Variants in PRKG1 observed in about 807,000 individuals in gnomAD.
PRKG1 encodes the protein cGMP-dependent protein kinase 1.
In PRKG1, 35 loss-of-function variants were observed where a neutral mutation model predicts 88.1. That is an observed-to-expected ratio of 0.40 (90% CI 0.30 to 0.53). The LOEUF (loss-of-function observed/expected upper bound fraction) is 0.53, where lower values mean the gene tolerates loss of function less well. Among genes scored for constraint, PRKG1 ranks in the 20% least tolerant of loss-of-function variants. The pLI is 0.59. For missense variants in PRKG1, 540 were observed against 839.8 expected (o/e 0.64, Z 4.41); for synonymous variants, 303 against 292.5 (o/e 1.04, Z -0.37).
chr10:51,391,063 G>A (rs546352214), intron 2 of PRKG1, among the ~76,000 whole-genome samples: 3 of 152,218 alleles, frequency 2.0e-5, no homozygotes, highest in African/African-American at 4.8e-5. Context: ...AGCACTGAGA[G>A]GGGGAGAGGC....
intron 1 of PRKG1, among the ~76,000 whole-genome samples, chr10:51,097,800 G>A (rs776804591): frequency 3.3e-5 from 5 of 152,136 alleles, no homozygotes; most frequent in Non-Finnish European, 5.9e-5. Flanking sequence ...CCGCAGGCAG[G>A]AATGGACAGA....
chr10:51,363,824 G>C (rs903912668), intron 2 of PRKG1, among the ~76,000 whole-genome samples: 1 of 151,876 alleles, frequency 6.6e-6, no homozygotes, highest in Non-Finnish European at 1.5e-5. Context: ...CCACGTCAAC[G>C]TAAGGTTTTT....
chr10:51,427,835 C>T (rs183430986), intron 2 of PRKG1, among the ~76,000 whole-genome samples: 27 of 152,266 alleles, frequency 1.8e-4, no homozygotes, highest in Admixed American at 9.8e-4. Context: ...TCAATTGGAT[C>T]CTCTTTTCTG....
chr10:51,032,069 G>T (rs961360501), intron 1 of PRKG1, among the ~76,000 whole-genome samples: 1 of 152,148 alleles, frequency 6.6e-6, no homozygotes, highest in Non-Finnish European at 1.5e-5. Context: ...GGAACTGCAG[G>T]TTTTCTTGGG....
intron 4 of PRKG1, among the ~76,000 whole-genome samples, chr10:51,826,896 G>C (rs1005935507): frequency 1.3e-5 from 2 of 152,128 alleles, no homozygotes; most frequent in African/African-American, 2.4e-5. Flanking sequence ...CCTGTAAGAA[G>C]ACATTAATTG....
At chr10:51,791,821 A>G (rs2132584556) in intron 3 of PRKG1, among the ~76,000 whole-genome samples, 1 of 152,092 alleles carries the variant, frequency 6.6e-6, no homozygotes, top group East Asian at 1.9e-4. Flanking sequence ...GGGACTACTA[A>G]GATTGCTGTA....
chr10:52,242,316 T>G (rs1475160226), intron 9 of PRKG1: 1 of 152,168 alleles, frequency 6.6e-6, no homozygotes, highest in Non-Finnish European at 1.5e-5. Flanking sequence ...TAACTTGCAC[T>G]GAGATGAGAG....
At chr10:52,207,637 G>A (rs1839855991) in intron 9 of PRKG1, among the ~76,000 whole-genome samples, 1 of 152,164 alleles carries the variant, frequency 6.6e-6, no homozygotes, top group African/African-American at 2.4e-5. Flanking sequence ...ACCTCTCTAA[G>A]CAGCAATCCC....
At chr10:51,114,651 G>A (rs1300165414) in intron 1 of PRKG1, among the ~76,000 whole-genome samples, 2 of 152,066 alleles carry the variant, frequency 1.3e-5, no homozygotes, top group African/African-American at 4.8e-5. Flanking sequence ...TATTCTAAGT[G>A]GTCATTTACA....
At chr10:51,102,091 C>A (rs775473110) in intron 1 of PRKG1, among the ~76,000 whole-genome samples, 17 of 152,090 alleles carry the variant, frequency 1.1e-4, no homozygotes, top group Non-Finnish European at 2.5e-4. Flanking sequence ...TCACTGAATG[C>A]AGAGTTGGGA....
chr10:51,320,877 A>T (rs1841437108), intron 2 of PRKG1, among the ~76,000 whole-genome samples: 1 of 152,226 alleles, frequency 6.6e-6, no homozygotes, highest in African/African-American at 2.4e-5. Context: ...ACAAGGAATC[A>T]AGTATAATTG....
chr10:51,381,275 A>G (rs1451799036), intron 2 of PRKG1, among the ~76,000 whole-genome samples: 8 of 75,332 alleles, frequency 1.1e-4, no homozygotes, highest in Non-Finnish European at 1.6e-4. Flanking sequence ...AAAAAAAAAA[A>G]AAAAAAAAAA....
intron 3 of PRKG1, among the ~76,000 whole-genome samples, chr10:51,607,102 C>T (rs1057342475): frequency 5.3e-5 from 8 of 152,188 alleles, no homozygotes; most frequent in African/African-American, 1.7e-4. Context: ...ATTTTGCCAC[C>T]GGCATCCTAT....
intron 7 of PRKG1, among the ~76,000 whole-genome samples, chr10:52,090,126 C>CTAAATACCA (rs1173573063): frequency 6.6e-6 from 1 of 152,010 alleles, no homozygotes; most frequent in Non-Finnish European, 1.5e-5. Flanking sequence ...ATTGTTGTTT[C>CTAAATACCA]TAAATACCAT....
At chr10:51,960,574 C>G (rs1447103136) in intron 5 of PRKG1, among the ~76,000 whole-genome samples, 1 of 150,724 alleles carries the variant, frequency 6.6e-6, no homozygotes, top group Non-Finnish European at 1.5e-5. Context: ...GATTCTATAT[C>G]GTTACCCACA....
chr10:52,001,110 T>C (rs917561217), intron 5 of PRKG1, among the ~76,000 whole-genome samples: 13 of 152,052 alleles, frequency 8.5e-5, no homozygotes, highest in African/African-American at 2.9e-4. Flanking sequence ...TTTGTCTTTC[T>C]GTGTCTGGCT....
intron 1 of PRKG1, among the ~76,000 whole-genome samples, chr10:51,032,990 TATTTCTACTACA>T: frequency 6.6e-6 from 1 of 152,270 alleles, no homozygotes; most frequent in African/African-American, 2.4e-5. Flanking sequence ...CGACGTATCT[TATTTCTACTACA>T]GTTTCTAATT....
intron 10 of PRKG1, among the ~76,000 whole-genome samples, chr10:52,270,288 C>T (rs969709944): frequency 6.6e-6 from 1 of 152,182 alleles, no homozygotes; most frequent in East Asian, 1.9e-4. Context: ...TAAACTAGTT[C>T]AACCATTGTG....
chr10:51,792,309 T>G (rs2132585479), intron 3 of PRKG1, among the ~76,000 whole-genome samples: 1 of 152,282 alleles, frequency 6.6e-6, no homozygotes, highest in Middle Eastern at 3.4e-3. Context: ...TACTTATTTC[T>G]TAGAGAAAAA....
Sources: gnomAD v4.1 joint callset for allele counts (sites outside exome capture counted in the v4.1 genomes callset) on GRCh38, gnomAD v4.1.1 for gene constraint, MANE v1.5 for transcripts, NCBI Gene and HGNC (gene_info 2026-07-23, HGNC 2026-07-21) for gene names.